Variants in JCHAIN observed in about 807,000 individuals in gnomAD.
The protein encoded by JCHAIN is immunoglobulin J chain.
Under a neutral mutation model 11.1 loss-of-function variants are expected in JCHAIN, and 5 were observed. The ratio of observed to expected loss-of-function variants is 0.45; its 90% CI spans 0.24 to 0.95. The LOEUF is 0.95. JCHAIN is among the 40% of genes least tolerant of loss of function. The pLI, the probability that JCHAIN is intolerant of heterozygous loss-of-function variation, is 0.21. For synonymous variants in JCHAIN, 51 were observed against 67.8 expected (o/e 0.75, Z 1.22); for missense variants, 165 against 192.7 (o/e 0.86, Z 0.85).
intron 1 of JCHAIN, among the ~76,000 whole-genome samples, chr4:70,665,494 T>C (rs1330781993): frequency 6.6e-6 from 1 of 152,136 alleles, no homozygotes; most frequent in Admixed American, 6.5e-5. Flanking sequence ...GAAAGTGATA[T>C]GTATTCAGTA....
At chr4:70,657,496 C>G (rs1738971334) in intron 2 of JCHAIN, among the ~76,000 whole-genome samples, 1 of 152,146 alleles carries the variant, frequency 6.6e-6, no homozygotes, top group Admixed American at 6.6e-5. Flanking sequence ...AACCTCACAA[C>G]AACTCCGCTG....
At position 70,656,421 on chromosome 4, in the gene JCHAIN, T is replaced by G. The variant is rs766553791; in HGVS notation, c.388A>C (p.Lys130Gln). 6.8e-6 allele frequency: 11 copies of G among 1,614,040 alleles called. No individual in the cohort carries two copies. Among genetic ancestry groups the G allele is most frequent in the Non-Finnish European group, 7.6e-6 (9 of 1,179,898 alleles). ...TETCYTYDRN[K>Q]CYTAVVPLVY... Reference sequence around the variant, plus strand: ...AGTGGGACCACAGCTGTGTAGCACTTGTTTCTGTCATAAGTGTAGCAGGTC... The same window carrying G: ...AGTGGGACCACAGCTGTGTAGCACTGGTTTCTGTCATAAGTGTAGCAGGTC... The change falls in exon 4 of 4, where the codon AAG becomes CAG. Residue 130 changes from lysine to glutamine, a missense_variant. Physicochemically the swap from Lys to Gln is moderately conservative, Grantham distance 53 (BLOSUM62 1). Transcript: ENST00000254801.
chr4:70,662,800 A>T (rs1654970246), intron 1 of JCHAIN, among the ~76,000 whole-genome samples: 2 of 152,036 alleles, frequency 1.3e-5, no homozygotes, highest in Non-Finnish European at 2.9e-5. Context: ...CTCTACTAAA[A>T]ACACAAAAAT....
intron 2 of JCHAIN, among the ~76,000 whole-genome samples, chr4:70,658,395 A>G (rs1477032579): frequency 2.6e-5 from 4 of 152,196 alleles, no homozygotes; most frequent in Admixed American, 1.3e-4. Flanking sequence ...CAAATAGCAT[A>G]GAAGGCACGT....
chr4:70,665,720 T>C (rs1447949437), intron 1 of JCHAIN: 1 of 153,166 alleles, frequency 6.5e-6, no homozygotes, highest in Non-Finnish European at 1.5e-5. Flanking sequence ...TAAATTAGTA[T>C]AAAATATATA....
rs1033509347 is a variant in JCHAIN at position 70,662,303 on chromosome 4, G to A, written c.65-88C>T. 4.2e-6 allele frequency: 5 copies of A among 1,197,108 alleles called. No homozygotes were observed. The African/African-American group carries it at 6.2e-5, about 15-fold the overall frequency. 74.2% of individuals were successfully genotyped at this position (1,197,108 alleles called of 1,614,324 possible). On this transcript the variant is annotated intron_variant, in intron 1 of 3. Coordinates refer to ENST00000254801, the MANE Select transcript of JCHAIN (RefSeq NM_144646.4). Reference sequence around the variant, plus strand: ...AGTTATTTTATCTTTCTTGCCTGCAGAAAAATAGTTTTATGGTTGGTTTGT... The same window carrying A: ...AGTTATTTTATCTTTCTTGCCTGCAAAAAAATAGTTTTATGGTTGGTTTGT...
At chr4:70,663,751 G>A (rs113673515) in intron 1 of JCHAIN, among the ~76,000 whole-genome samples, 2,175 of 150,436 alleles carry the variant, frequency 0.014, 51 homozygotes, top group African/African-American at 0.05. Context: ...AGTAGAGACC[G>A]AGTTTCACCA....
rs1738952665 is a variant in JCHAIN, at chr4:70,656,474, T to C, written c.335A>G (p.Asn112Ser). 3 of 1,613,902 alleles carry C rather than the reference T, an allele frequency of 1.9e-6. No homozygotes were observed. Among genetic ancestry groups the C allele is most frequent in the African/African-American group, 1.3e-5 (1 of 75,062 alleles). ...DNQIVTATQS[N>S]ICDEDSATET... ...TGTAGCACTGTCTTCATCACAGATA[T>C]TGCTCTGGGTAGCAGTAACTATCTG... is the stretch of plus-strand genomic sequence containing the variant. The change falls in exon 4 of 4, where the codon AAT (asparagine) becomes AGT (serine). Residue 112 changes from asparagine to serine, a missense_variant. Transcript: ENST00000254801.
In JCHAIN at chr4:70,655,726, T is replaced by G. The variant is rs1738935247; in HGVS notation, c.*603A>C. 6.6e-6 allele frequency: 1 copy of G among 152,180 alleles called. No individual in the cohort carries two copies. Among genetic ancestry groups the G allele is most frequent in the African/African-American group, 2.4e-5 (1 of 41,450 alleles). 9.4% of individuals were successfully genotyped at this position (152,180 alleles called of 1,614,324 possible). A position where few individuals can be genotyped will look rare whatever the true frequency, so the allele number is the denominator to read the frequency against. ...AAGTCTGTTATGTCCAAATATATTT[T>G]AATTATGCATTTATTTTGCTACTTT... On this transcript the variant is annotated 3_prime_UTR_variant, in exon 4 of 4. Coordinates refer to ENST00000254801, the MANE Select transcript of JCHAIN (RefSeq NM_144646.4).
At chr4:70,661,254 A>G (rs530146473) in intron 2 of JCHAIN, among the ~76,000 whole-genome samples, 1 of 152,352 alleles carries the variant, frequency 6.6e-6, no homozygotes, top group South Asian at 2.1e-4. Flanking sequence ...CATTCTTGCT[A>G]TTGAAAAAGA....
intron 2 of JCHAIN, among the ~76,000 whole-genome samples, chr4:70,661,740 C>T (rs760335986): frequency 3.9e-5 from 6 of 152,182 alleles, no homozygotes; most frequent in Non-Finnish European, 7.3e-5. Context: ...AATCTTGCCA[C>T]TGCACTCTAG....
In JCHAIN at chr4:70,656,245, C is replaced by T; in HGVS notation, c.*84G>A. 1.1e-6 allele frequency: 1 copy of T among 895,822 alleles called. No homozygotes were observed. Among genetic ancestry groups the T allele is most frequent in the South Asian group, 1.7e-5 (1 of 57,590 alleles). The allele number at this position is 895,822 out of a possible 1,614,324, so 55.5% of individuals were successfully genotyped here. On this transcript the variant is annotated 3_prime_UTR_variant, in exon 4 of 4. Coordinates refer to ENST00000254801, the MANE Select transcript of JCHAIN (RefSeq NM_144646.4). ...AAAAAAAAAGCCCTGGTTTCAAATT[C>T]ATTGGTAATAAATATGCTAACTTTC...
chr4:70,657,811 A>T (rs1198408798), intron 2 of JCHAIN, among the ~76,000 whole-genome samples: 1 of 152,176 alleles, frequency 6.6e-6, no homozygotes. Flanking sequence ...ACAGACAGAT[A>T]TTATTATCCA....
Position 70,657,253 on chromosome 4 carries a change from G to A in JCHAIN, c.227C>T (p.Thr76Ile), listed in dbSNP as rs1738966945. 4 of 1,605,434 alleles carry A rather than the reference G, an allele frequency of 2.5e-6. No individual in the cohort carries two copies. Among genetic ancestry groups the A allele is most frequent in the Non-Finnish European group, 3.4e-6 (4 of 1,172,708 alleles). ...CACAAATCTGGTTCTCAATGGTGAG[G>A]TGGGATCAGAGATATTCTCCCTGTT... ...LNNRENISDPTSPLRTRFVYH... is the reference protein window; with the variant it reads ...LNNRENISDPISPLRTRFVYH... The change falls in exon 3 of 4, where the codon ACC becomes ATC. Residue 76 changes from threonine (T) to isoleucine (I), a missense_variant. Coordinates refer to ENST00000254801, the MANE Select transcript of JCHAIN (RefSeq NM_144646.4).
chr4:70,665,887 C>T, intron 1 of JCHAIN: 1 of 332,226 alleles, frequency 3.0e-6, no homozygotes, highest in Non-Finnish European at 6.1e-6. Context: ...ATTCCATTTT[C>T]TGAAGTTGTT....
At chr4:70,659,642 A>G (rs1739018254) in intron 2 of JCHAIN, among the ~76,000 whole-genome samples, 1 of 146,946 alleles carries the variant, frequency 6.8e-6, no homozygotes, top group Admixed American at 7.0e-5. Context: ...TGGGCAGATC[A>G]CCTGAGGTCA....
At chr4:70,657,133 A>G in intron 3 of JCHAIN, 78 bp downstream of exon 3, 4 of 746,034 alleles carry the variant, frequency 5.4e-6, no homozygotes, top group Non-Finnish European at 9.1e-6. Context: ...ATTTTTAAAA[A>G]CATTCTTACT....
intron 2 of JCHAIN, among the ~76,000 whole-genome samples, chr4:70,659,982 A>G (rs1403567529): frequency 6.6e-6 from 1 of 152,152 alleles, no homozygotes; most frequent in Admixed American, 6.5e-5. Flanking sequence ...AAATATCTGA[A>G]TTATCTGATT....
chr4:70,662,257 CA>C, intron 1 of JCHAIN, 42 bp from the exon 2 acceptor site: 1 of 1,558,266 alleles, frequency 6.4e-7, no homozygotes, highest in Non-Finnish European at 8.8e-7. Context: ...AAACAAAGGT[CA>C]ATTTATATAT....
Sources: allele counts gnomAD v4.1 joint callset (sites outside exome capture counted in the v4.1 genomes callset), GRCh38; gene constraint gnomAD v4.1.1; transcripts MANE v1.5; gene names NCBI Gene and HGNC (gene_info 2026-07-23, HGNC 2026-07-21).